Variants in HEATR5A observed in about 807,000 individuals in gnomAD.
HEATR5A encodes HEAT repeat containing 5A, also known as HEAT repeat-containing protein 5A.
Under a neutral mutation model 218.8 loss-of-function variants are expected in HEATR5A, and 178 were observed. The observed-to-expected ratio is 0.81, with a 90% confidence interval of 0.72 to 0.92. The LOEUF (loss-of-function observed/expected upper bound fraction) is 0.92, where lower values mean the gene tolerates loss of function less well. HEATR5A is among the 40% of genes least tolerant of loss of function. The probability of loss-of-function intolerance (pLI) is 0.00; values close to 1 mark genes in which losing one functional copy is unlikely to be tolerated. For synonymous variants in HEATR5A, 864 were observed against 871.6 expected (o/e 0.99, Z 0.15); for missense variants, 2,420 against 2,418.9 (o/e 1.00, Z -0.01).
chr14:31,339,267 T>C (rs1453820870), intron 21 of HEATR5A, among the ~76,000 whole-genome samples: 1 of 151,386 alleles, frequency 6.6e-6, no homozygotes, highest in Non-Finnish European at 1.5e-5. Flanking sequence ...CTGGCCAACA[T>C]GGTCAAGCCC....
Position 31,306,861 on chromosome 14 carries a change from G to A in HEATR5A, c.4837C>T (p.Leu1613=). 6.2e-7 allele frequency: 1 copy of A among 1,611,456 alleles called. No homozygotes were observed. The highest frequency in any genetic ancestry group is 8.5e-7 in the Non-Finnish European group (1 of 1,178,320). ...AAAATTACTCGATGTAGAACATTCAGCAATTCTATACCCAAGTCCTATCAT... is the reference window on the plus strand; with the variant it reads ...AAAATTACTCGATGTAGAACATTCAACAATTCTATACCCAAGTCCTATCAT... ...GSDQDLGIEL[L]NVLHRVILTR... Residue 1613 remains leucine, a synonymous_variant, in exon 31 of 36, where the codon CTG becomes TTG. Transcript: ENST00000543095.
chr14:31,375,300 G>A (rs1173059964), intron 11 of HEATR5A, among the ~76,000 whole-genome samples: 1 of 152,168 alleles, frequency 6.6e-6, no homozygotes, highest in Non-Finnish European at 1.5e-5. Context: ...GGGCTTGTCA[G>A]GTCCAAATGA....
At chr14:31,359,170 C>T in intron 14 of HEATR5A, 113 bp from the exon 15 acceptor site, 1 of 965,460 alleles carries the variant, frequency 1.0e-6, no homozygotes, top group Non-Finnish European at 1.5e-6. Context: ...TAACATATCA[C>T]AGCCAAAAGA....
intron 21 of HEATR5A, among the ~76,000 whole-genome samples, chr14:31,340,919 G>C (rs563196836): frequency 6.6e-6 from 1 of 152,268 alleles, no homozygotes; most frequent in Middle Eastern, 3.4e-3. Flanking sequence ...TTAAAACTAA[G>C]AGTATTCAGA....
At chr14:31,370,434 T>C (rs1208581227) in intron 13 of HEATR5A, among the ~76,000 whole-genome samples, 2 of 152,166 alleles carry the variant, frequency 1.3e-5, no homozygotes, top group Non-Finnish European at 2.9e-5. Context: ...ACCTATTGGA[T>C]GGGGTAGAAT....
chr14:31,341,456 C>T (rs1900837097), intron 21 of HEATR5A, among the ~76,000 whole-genome samples: 1 of 152,016 alleles, frequency 6.6e-6, no homozygotes, highest in African/African-American at 2.4e-5. Flanking sequence ...TGCAGTGGCG[C>T]AATCATGGCT....
rs377029457 is a variant in HEATR5A at position 31,371,852 on chromosome 14, C to T, written c.1919G>A (p.Arg640His). The T allele has an allele frequency of 3.7e-5, 58 of 1,552,904 alleles. No individual in the cohort carries two copies. Among genetic ancestry groups the T allele is most frequent in the East Asian group, 4.8e-5 (2 of 41,546 alleles). ...GDLLTEEVTQ[R>H]LLPPLPCAVD... is the part of the protein sequence containing the mutation. Reference sequence around the variant, plus strand: ...AGCACAAGGAAGTGGTGGAAGAAGACGCTGAGTTACTTCCTCAGTAAGAAG... The same window carrying T: ...AGCACAAGGAAGTGGTGGAAGAAGATGCTGAGTTACTTCCTCAGTAAGAAG... The change falls in exon 13 of 36, where the codon CGT (arginine) becomes CAT (histidine). Residue 640 changes from arginine (R) to histidine (H), a missense_variant. Transcript: ENST00000543095.
chr14:31,358,952 T>C lies in HEATR5A; in HGVS notation c.2177A>G (p.Asp726Gly), dbSNP rs771539480. The change falls in exon 15 of 36, where the codon GAT becomes GGT. Residue 726 changes from aspartate to glycine, a missense_variant. Transcript: ENST00000543095. The stretch of plus-strand genomic sequence containing the variant: ...TAGGAAAGGACTTAGTATCAAAAGA[T>C]CATCCTGATGACAGAGGGGTGGAAG... ...FLLPPLCHQDDLLILSPFLQE... is the reference protein window; with the variant it reads ...FLLPPLCHQDGLLILSPFLQE... 4 of 1,591,270 alleles carry C rather than the reference T, an allele frequency of 2.5e-6. No homozygotes were observed. The highest frequency in any genetic ancestry group is 1.9e-5 in the Admixed American group (1 of 51,396).
At chr14:31,395,852 T>C (rs944150895) in intron 4 of HEATR5A, among the ~76,000 whole-genome samples, 1 of 152,248 alleles carries the variant, frequency 6.6e-6, no homozygotes, top group Non-Finnish European at 1.5e-5. Flanking sequence ...AGCTATACTT[T>C]GTTATTATTT....
At chr14:31,393,981 A>C in intron 6 of HEATR5A, 71 bp downstream of exon 6, 1 of 999,210 alleles carries the variant, frequency 1.0e-6, no homozygotes, top group Non-Finnish European at 1.4e-6. Context: ...CAATAACACT[A>C]TACATATTTG....
intron 20 of HEATR5A, among the ~76,000 whole-genome samples, 188 bp from the exon 21 acceptor site, chr14:31,344,253 G>A (rs761494527): frequency 9.2e-6 from 1 of 108,898 alleles, no homozygotes; most frequent in Non-Finnish European, 2.0e-5. Context: ...GTTACAGATT[G>A]TTAGATTAGT....
chr14:31,330,371 C>G (rs1443868365), intron 22 of HEATR5A, among the ~76,000 whole-genome samples: 1 of 152,196 alleles, frequency 6.6e-6, no homozygotes, highest in South Asian at 2.1e-4. Flanking sequence ...CAAGGCTGCA[C>G]AGAGCACGGG....
chr14:31,332,967 C>G (rs1438543752), intron 22 of HEATR5A, among the ~76,000 whole-genome samples: 2 of 144,522 alleles, frequency 1.4e-5, no homozygotes, highest in Non-Finnish European at 3.0e-5. Flanking sequence ...GCCTGGGTGA[C>G]ACAGCAAGAC....
rs1448242164 is a variant in HEATR5A, at chr14:31,305,122, G to A, written c.5022C>T (p.Asp1674=). The A allele has an allele frequency of 6.2e-7, 1 of 1,613,960 alleles. No homozygotes were observed. Among genetic ancestry groups the A allele is most frequent in the Non-Finnish European group, 8.5e-7 (1 of 1,179,850 alleles). Residue 1674 remains aspartate, a synonymous_variant, in exon 32 of 36, where the codon GAC becomes GAT. Transcript: ENST00000543095. ...ETLPEFGEGK[D]TGGLVPGKSL... is the part of the protein sequence containing the mutation. ...ACTTTCCAGGCACAAGTCCTCCGGT[G>A]TCCTTTCCCTCTCCAAACTCTGGCA...
chr14:31,341,062 T>C (rs764387752), intron 21 of HEATR5A, among the ~76,000 whole-genome samples: 1 of 152,204 alleles, frequency 6.6e-6, no homozygotes, highest in Non-Finnish European at 1.5e-5. Context: ...CTCTAAAATA[T>C]AACAAATTCA....
chr14:31,343,875 C>T (rs766545614), intron 21 of HEATR5A, 21 bp downstream of exon 21: 12 of 1,528,886 alleles, frequency 7.8e-6, no homozygotes, highest in East Asian at 2.3e-5. Context: ...ACTAAGAGCT[C>T]GTTTACAATT....
chr14:31,337,716 AT>A, intron 21 of HEATR5A, 102 bp from the exon 22 acceptor site: 42 of 929,130 alleles, frequency 4.5e-5, no homozygotes, highest in Middle Eastern at 2.2e-4. Context: ...TGTCCAGCCC[AT>A]CAGTGGGCTG....
chr14:31,344,268 C>CTTTTTTATTTTTTTTTTTTTT (rs1900942814), intron 20 of HEATR5A, among the ~76,000 whole-genome samples: 1 of 50,812 alleles, frequency 2.0e-5, no homozygotes, highest in Non-Finnish European at 3.7e-5. Flanking sequence ...ATTAGTTATT[C>CTTTTTTATTTTTTTTTTTTTT]TTTTTTTTTT....
chr14:31,396,228 C>T (rs1402734970), intron 4 of HEATR5A, among the ~76,000 whole-genome samples: 2 of 151,948 alleles, frequency 1.3e-5, no homozygotes, highest in African/African-American at 2.4e-5. Context: ...TGTTAGTGCA[C>T]ATCTCTAGAA....
Sources: gnomAD v4.1 joint callset for allele counts (sites outside exome capture counted in the v4.1 genomes callset) on GRCh38, gnomAD v4.1.1 for gene constraint, MANE v1.5 for transcripts, NCBI Gene and HGNC (gene_info 2026-07-23, HGNC 2026-07-21) for gene names.